Variants in INSRR observed in about 807,000 individuals in gnomAD.
INSRR encodes the protein insulin receptor-related protein.
A neutral mutation model predicts 130.0 loss-of-function variants in INSRR; 114 were observed. The observed-to-expected ratio is 0.88, with a 90% CI of 0.75 to 1.02. The LOEUF (loss-of-function observed/expected upper bound fraction) is 1.02. Among genes scored for constraint, INSRR ranks in the 50% least tolerant of loss-of-function variants. The probability of loss-of-function intolerance (pLI) is 0.00; values close to 1 mark genes in which losing one functional copy is unlikely to be tolerated. For missense variants in INSRR, 1,657 were observed against 1,735.2 expected, an observed-to-expected ratio of 0.95 and a Z score of 0.80; for synonymous variants, 674 against 705.2, an observed-to-expected ratio of 0.96 and a Z score of 0.70.
chr1:156,845,746 T>C lies in INSRR; in HGVS notation c.2047A>G (p.Met683Val). Residue 683 changes from methionine to valine, a missense_variant, in exon 10 of 22, where the codon ATG becomes GTG. Coordinates refer to ENST00000368195, the MANE Select transcript of INSRR (RefSeq NM_014215.3). ...DGEDGDPEAE[M>V]ESDCCPCQHP... ...TGGCAAGGGCAGCAGTCGGACTCCATCTCGGCCTCAGGATCCCCGTCTTCG... is the reference window on the plus strand; with the variant it reads ...TGGCAAGGGCAGCAGTCGGACTCCACCTCGGCCTCAGGATCCCCGTCTTCG... 1.2e-6 allele frequency: 2 copies of C among 1,613,682 alleles called. No individual in the cohort carries two copies. Among genetic ancestry groups the C allele is most frequent in the Non-Finnish European group, 1.7e-6 (2 of 1,179,970 alleles).
At position 156,841,027 on chromosome 1, in the gene INSRR, T is replaced by G; in HGVS notation, c.3740A>C (p.Gln1247Pro). The G allele has an allele frequency of 1.2e-6, 2 of 1,604,402 alleles. No homozygotes were observed. Among genetic ancestry groups the G allele is most frequent in the Non-Finnish European group, 1.7e-6 (2 of 1,175,320 alleles). ...PSFTHILDSI[Q>P]EELRPSFRLL... ...GCGGAAGGAGGGCCGCAGCTCCTCCTGTATGCTGTCCAGAATGTGTGTGAA... is the reference window on the plus strand; with the variant it reads ...GCGGAAGGAGGGCCGCAGCTCCTCCGGTATGCTGTCCAGAATGTGTGTGAA... The change falls in exon 22 of 22, where the codon CAG becomes CCG. Residue 1247 changes from glutamine to proline, a missense_variant. Transcript: ENST00000368195.
chr1:156,850,240 C>T (rs1284285075), intron 5 of INSRR, among the ~76,000 whole-genome samples: 2 of 152,036 alleles, frequency 1.3e-5, no homozygotes, highest in South Asian at 2.1e-4. Flanking sequence ...GAGCTGGAGT[C>T]TCCCTCTGTC....
rs1394362187 is a variant in INSRR at position 156,845,610 on chromosome 1, T to C, written c.2174+9A>G. 8.6e-6 allele frequency: 13 copies of C among 1,519,776 alleles called. No homozygotes were observed. Among genetic ancestry groups the C allele is most frequent in the Non-Finnish European group, 9.7e-6 (11 of 1,129,282 alleles). 94.1% of individuals were successfully genotyped at this position (1,519,776 alleles called of 1,614,324 possible). ...TCAGACCCTCCCAGGCCGCGCGCGC[T>C]CTTCGCACATGGGGATGGTGATCGC... On this transcript the variant is annotated intron_variant, in intron 10 of 21. Coordinates refer to ENST00000368195, the MANE Select transcript of INSRR (RefSeq NM_014215.3).
rs763962327 is a variant in INSRR at position 156,841,485 on chromosome 1, G to C, written c.3571C>G (p.Gln1191Glu). 1.2e-6 allele frequency: 2 copies of C among 1,614,012 alleles called. No individual in the cohort carries two copies. Among genetic ancestry groups the C allele is most frequent in the Non-Finnish European group, 8.5e-7 (1 of 1,179,932 alleles). ...VLWEIVTLAE[Q>E]PYQGLSNEQV... ...TCATTGGACAGGCCCTGGTAGGGTT[G>C]TTCTGCCAGGGTCACAATCTCCCAG... The change falls in exon 21 of 22, where the codon CAA becomes GAA. Residue 1191 changes from glutamine to glutamate, a missense_variant. Transcript: ENST00000368195.
intron 2 of INSRR, among the ~76,000 whole-genome samples, chr1:156,852,877 G>C (rs1655274494): frequency 6.6e-6 from 1 of 152,162 alleles, no homozygotes; most frequent in African/African-American, 2.4e-5. Context: ...CGATACAGCA[G>C]GGATCTTGTT....
chr1:156,852,128 A>C lies in INSRR; in HGVS notation c.701T>G (p.Leu234Arg). ...GTCTTCTGGCTGGCTGCAGCCCCCC[A>C]GGCATTCGGTGTGGCAGCACTCGCC... ...ARGECCHTEC[L>R]GGCSQPEDPR... Residue 234 changes from leucine to arginine, a missense_variant, in exon 3 of 22, where the codon CTG (leucine) becomes CGG (arginine). Leu to Arg is a moderately radical substitution (Grantham distance 102). Coordinates refer to ENST00000368195, the MANE Select transcript of INSRR (RefSeq NM_014215.3). The C allele has an allele frequency of 6.2e-7, 1 of 1,613,302 alleles. No individual in the cohort carries two copies. Among genetic ancestry groups the C allele is most frequent in the South Asian group, 1.1e-5 (1 of 91,042 alleles).
intron 6 of INSRR, 70 bp from the exon 7 acceptor site, chr1:156,849,117 G>A: frequency 1.3e-6 from 2 of 1,596,846 alleles, no homozygotes; most frequent in Non-Finnish European, 1.7e-6. Context: ...TGACCCCGCG[G>A]CATCCCATTC....
intron 4 of INSRR, 25 bp downstream of exon 4, chr1:156,851,621 G>A (rs1007650004): frequency 6.2e-7 from 1 of 1,614,126 alleles, no homozygotes; most frequent in Admixed American, 1.7e-5. Context: ...AGGAGGAGGG[G>A]TGTGGCCCCA....
intron 7 of INSRR, among the ~76,000 whole-genome samples, chr1:156,847,497 A>G (rs1026788643): frequency 6.6e-6 from 1 of 152,098 alleles, no homozygotes; most frequent in Non-Finnish European, 1.5e-5. Context: ...CATCACATTG[A>G]TGTTCATGAT....
At position 156,845,248 on chromosome 1, in the gene INSRR, GC is replaced by G; in HGVS notation, c.2264del (p.Gly755AlafsTer20). 1 of 1,611,110 alleles carries G rather than the reference GC, an allele frequency of 6.2e-7. No homozygotes were observed. Among genetic ancestry groups the G allele is most frequent in the South Asian group, 1.1e-5 (1 of 90,692 alleles). On this transcript the variant is annotated frameshift_variant, in exon 12 of 22. Coordinates refer to ENST00000368195, the MANE Select transcript of INSRR (RefSeq NM_014215.3). LOFTEE classifies it high-confidence loss of function. ...RRAAGPLRLG[G>X]NSSDFEIQED... The stretch of plus-strand genomic sequence containing the variant: ...CCTGGATCTCGAAATCCGAGCTGTT[GC>G]CCCCCAGCCGGAGGGGCCCAGCTGC...
chr1:156,853,863 A>G lies in INSRR; in HGVS notation c.526T>C (p.Cys176Arg). ...AGCACACCAGGGCACACGTCAGCAC[A>G]CTCCTCGCCCAGCTTGTTGCCCACG... ...HIVGNKLGEE[C>R]ADVCPGVLGA... The change falls in exon 2 of 22, where the codon TGT becomes CGT. Residue 176 changes from cysteine (C) to arginine (R), a missense_variant. Physicochemically the swap from Cys to Arg is radical, Grantham distance 180. Coordinates refer to ENST00000368195, the MANE Select transcript of INSRR (RefSeq NM_014215.3). 1 of 1,613,854 alleles carries G rather than the reference A, an allele frequency of 6.2e-7. No individual in the cohort carries two copies. Among genetic ancestry groups the G allele is most frequent in the African/African-American group, 1.3e-5 (1 of 74,966 alleles).
At chr1:156,858,406 T>C in intron 1 of INSRR, 131 bp downstream of exon 1, 1 of 714,746 alleles carries the variant, frequency 1.4e-6, no homozygotes. Flanking sequence ...GCAGTTCTCC[T>C]GAGCGCTAAC....
chr1:156,840,824 G>A lies in INSRR; in HGVS notation c.*49C>T, dbSNP rs1387481279. 2.1e-6 allele frequency: 3 copies of A among 1,424,454 alleles called. No homozygotes were observed. Among genetic ancestry groups the A allele is most frequent in the Admixed American group, 1.8e-5 (1 of 55,248 alleles). The allele number at this position is 1,424,454 out of a possible 1,614,324, so 88.2% of individuals were successfully genotyped here. The stretch of plus-strand genomic sequence containing the variant: ...CAGGCGTCTCAGCCACAGAGGTCGG[G>A]TCCCTTCCTGTCTCCCCATGGGAGG... On this transcript the variant is annotated 3_prime_UTR_variant, in exon 22 of 22. Transcript: ENST00000368195.
At chr1:156,850,599 G>C (rs1002723607) in intron 5 of INSRR, among the ~76,000 whole-genome samples, 11 of 128,442 alleles carry the variant, frequency 8.6e-5, no homozygotes, top group Non-Finnish European at 1.4e-4. Context: ...TCAGGCCCTA[G>C]GCTGGAGTGC....
At position 156,858,615 on chromosome 1, in the gene INSRR, C is replaced by CT. The variant is rs749821993; in HGVS notation, c.6dup (p.Val3SerfsTer3). The CT allele has an allele frequency of 2.4e-5, 38 of 1,613,918 alleles. No homozygotes were observed. Among genetic ancestry groups the CT allele is most frequent in the Non-Finnish European group, 3.2e-5 (38 of 1,179,938 alleles). ...GCTCCCCAGGGCCACAGACTAGGCA[C>CT]TGCCATTGTCCCAGCCCTGGCTTGT... On this transcript the variant is annotated frameshift_variant, in exon 1 of 22. Coordinates refer to ENST00000368195, the MANE Select transcript of INSRR (RefSeq NM_014215.3). LOFTEE classifies it high-confidence loss of function.
chr1:156,844,176 T>C lies in INSRR; in HGVS notation c.2842A>G (p.Arg948Gly). Residue 948 changes from arginine to glycine, a missense_variant and splice_region_variant, in exon 15 of 22, where the codon AGA becomes GGA. Transcript: ENST00000368195. ...GGGACCGGTGGGACTTATCATCACC[T>C]CTTCTTGCCGTAGAAGAAACCAAGG... The part of the protein sequence containing the change: ...AALGFFYGKK[R>G]NRTLYASVNP... 6.2e-7 allele frequency: 1 copy of C among 1,611,930 alleles called. No individual in the cohort carries two copies. The highest frequency in any genetic ancestry group is 8.5e-7 in the Non-Finnish European group (1 of 1,178,382).
intron 2 of INSRR, 105 bp downstream of exon 2, chr1:156,853,647 A>G: frequency 1.7e-6 from 2 of 1,146,062 alleles, no homozygotes; most frequent in Non-Finnish European, 2.5e-6. Context: ...GGATTAAAAA[A>G]CAGTGGCAGC....
chr1:156,851,425 T>A lies in INSRR; in HGVS notation c.1094A>T (p.Glu365Val). The part of the protein sequence containing the change: ...ILNLRQGYNL[E>V]PQLQHSLGLV... ...CCCCAGGCTGTGCTGCAGCTGTGGCTCCAGGTTGTCTAGGGATGGGAAGAC... is the reference window on the plus strand; with the variant it reads ...CCCCAGGCTGTGCTGCAGCTGTGGCACCAGGTTGTCTAGGGATGGGAAGAC... Residue 365 changes from glutamate to valine, a missense_variant, in exon 5 of 22, where the codon GAG becomes GTG. Transcript: ENST00000368195. 3 of 1,614,124 alleles carry A rather than the reference T, an allele frequency of 1.9e-6. No individual in the cohort carries two copies. Among genetic ancestry groups the A allele is most frequent in the Non-Finnish European group, 2.5e-6 (3 of 1,180,016 alleles).
At position 156,847,578 on chromosome 1, in the gene INSRR, T is replaced by A. The variant is rs1349054877; in HGVS notation, c.1572-821A>T. ...AGCCAGGGACAAAACTTGAGGGAGG[T>A]CAAATTGGGTGGCAGTGGGGGAACT... is the stretch of plus-strand genomic sequence containing the variant. On this transcript the variant is annotated intron_variant, in intron 7 of 21. Coordinates refer to ENST00000368195, the MANE Select transcript of INSRR (RefSeq NM_014215.3). Among the ~76,000 whole-genome samples the A allele has an allele frequency of 2.0e-5, 3 of 151,072 alleles. No homozygotes were observed. The East Asian group carries it at 5.8e-4, about 29-fold the overall frequency.
Sources: gnomAD v4.1 joint callset for allele counts (sites outside exome capture counted in the v4.1 genomes callset) on GRCh38, gnomAD v4.1.1 for gene constraint, MANE v1.5 for transcripts, NCBI Gene and HGNC (gene_info 2026-07-23, HGNC 2026-07-21) for gene names.